The following SSBP3 variants were observed in gnomAD, a reference collection of about 807,000 sequenced individuals.
SSBP3 encodes the protein single stranded DNA binding protein 3.
In SSBP3, 5 loss-of-function variants were observed where a neutral mutation model predicts 69.6. The ratio of observed to expected loss-of-function variants is 0.07; its 90% CI spans 0.04 to 0.15. The LOEUF (loss-of-function observed/expected upper bound fraction) is 0.15, where lower values mean the gene tolerates loss of function less well. Ranked by LOEUF, SSBP3 falls within the 10% of genes least tolerant of loss-of-function variation. The pLI, the probability that SSBP3 is intolerant of heterozygous loss-of-function variation, is 1.00. For missense variants in SSBP3, 312 were observed against 534.0 expected, an observed-to-expected ratio of 0.58 and a Z score of 4.10; for synonymous variants, 196 against 193.4, an observed-to-expected ratio of 1.01 and a Z score of -0.11.
At chr1:54,379,281 C>T (rs1647434933) in intron 4 of SSBP3, among the ~76,000 whole-genome samples, 1 of 152,232 alleles carries the variant, frequency 6.6e-6, no homozygotes, top group African/African-American at 2.4e-5. Flanking sequence ...TGCTGTGAAG[C>T]CCTACCTGTG....
At chr1:54,386,683 CTTTTT>C (rs58429798) in intron 4 of SSBP3, among the ~76,000 whole-genome samples, 17 of 76,100 alleles carry the variant, frequency 2.2e-4, no homozygotes, top group South Asian at 3.7e-4. Flanking sequence ...ACTGATCCTA[CTTTTT>C]TTTTTTTTTT....
Position 54,235,448 on chromosome 1 carries a change from A to ATTTTTTTT in SSBP3, c.927+3673_927+3680dup, listed in dbSNP as rs71580002. ...AGGCGTGTACCACCATGCCCGGCTG[A>ATTTTTTTT]TTTTTTTTTTTTTTTTTTTTTTTTT... On this transcript the variant is annotated intron_variant, in intron 14 of 17. Coordinates refer to ENST00000610401, the Ensembl canonical transcript of SSBP3. 1.3e-3 allele frequency among the ~76,000 whole-genome samples: 90 copies of ATTTTTTTT among 69,918 alleles called. 3 individuals are homozygous for ATTTTTTTT. Among genetic ancestry groups the ATTTTTTTT allele is most frequent in the East Asian group, 1.7e-3 (4 of 2,418 alleles). 45.9% of individuals were successfully genotyped at this position (69,918 alleles called of 152,430 possible).
chr1:54,400,875 G>A (rs1557594941), intron 4 of SSBP3, among the ~76,000 whole-genome samples: 2 of 152,182 alleles, frequency 1.3e-5, no homozygotes, highest in Non-Finnish European at 2.9e-5. Context: ...GGCCAAGCAG[G>A]TGGGACCCAA....
chr1:54,329,163 A>G (rs1350722310), intron 4 of SSBP3, among the ~76,000 whole-genome samples: 1 of 152,136 alleles, frequency 6.6e-6, no homozygotes, highest in Non-Finnish European at 1.5e-5. Context: ...CCCCCACCCA[A>G]ACTCAGCTCA....
intron 5 of SSBP3, among the ~76,000 whole-genome samples, chr1:54,262,158 G>A (rs531838949): frequency 2.0e-5 from 3 of 152,280 alleles, no homozygotes; most frequent in Non-Finnish European, 2.9e-5. Context: ...GAATGGGGCC[G>A]TGAGAGTAAC....
intron 4 of SSBP3, among the ~76,000 whole-genome samples, chr1:54,376,776 G>A (rs570723068): frequency 2.6e-5 from 4 of 152,278 alleles, no homozygotes; most frequent in Middle Eastern, 3.4e-3. Context: ...TACAAACGGC[G>A]ATGCAAATCT....
intron 4 of SSBP3, among the ~76,000 whole-genome samples, chr1:54,354,147 G>T (rs1479400342): frequency 6.6e-6 from 1 of 152,212 alleles, no homozygotes; most frequent in Non-Finnish European, 1.5e-5. Flanking sequence ...CCTGGAGCCA[G>T]CGCATACCAC....
intron 4 of SSBP3, among the ~76,000 whole-genome samples, chr1:54,329,585 C>A (rs1022351963): frequency 6.6e-6 from 1 of 152,210 alleles, no homozygotes; most frequent in African/African-American, 2.4e-5. Context: ...GGGCCCCAGG[C>A]TACAGGGGAG....
intron 14 of SSBP3, among the ~76,000 whole-genome samples, chr1:54,230,704 A>C (rs1644366357): frequency 6.6e-6 from 1 of 152,152 alleles, no homozygotes; most frequent in African/African-American, 2.4e-5. Context: ...GGCCCCAGGC[A>C]AACACTAATC....
intron 4 of SSBP3, among the ~76,000 whole-genome samples, chr1:54,344,344 G>C (rs1358097782): frequency 3.3e-5 from 5 of 152,214 alleles, no homozygotes; most frequent in Non-Finnish European, 7.3e-5. Context: ...TACAAAGACA[G>C]CTATGCACTG....
chr1:54,279,369 G>A (rs1387972374), intron 5 of SSBP3, among the ~76,000 whole-genome samples: 2 of 152,238 alleles, frequency 1.3e-5, no homozygotes, highest in Non-Finnish European at 2.9e-5. Flanking sequence ...CTGGAATTAG[G>A]CCTTAGCCAT....
At chr1:54,253,929 G>A (rs1235325052) in intron 7 of SSBP3, among the ~76,000 whole-genome samples, 1 of 152,234 alleles carries the variant, frequency 6.6e-6, no homozygotes, top group Non-Finnish European at 1.5e-5. Flanking sequence ...GGAACTCCAG[G>A]AGCAAAGCTG....
chr1:54,332,266 A>T (rs1431849005), intron 4 of SSBP3, among the ~76,000 whole-genome samples: 4 of 151,928 alleles, frequency 2.6e-5, no homozygotes, highest in Admixed American at 1.3e-4. Context: ...AGGTGAAAGG[A>T]CTCCCACATG....
At chr1:54,275,297 C>A (rs1645264135) in intron 5 of SSBP3, among the ~76,000 whole-genome samples, 2 of 152,252 alleles carry the variant, frequency 1.3e-5, no homozygotes, top group Non-Finnish European at 2.9e-5. Flanking sequence ...GACCCCAGCG[C>A]CCCGCCACCA....
At chr1:54,240,134 C>A (rs1195937036) in intron 13 of SSBP3, among the ~76,000 whole-genome samples, 1 of 141,800 alleles carries the variant, frequency 7.1e-6, no homozygotes, top group South Asian at 2.2e-4. Flanking sequence ...CACATGCCCA[C>A]GTATGTGCAC....
intron 4 of SSBP3, among the ~76,000 whole-genome samples, chr1:54,386,024 G>C (rs973482359): frequency 2.6e-5 from 4 of 152,268 alleles, no homozygotes; most frequent in Admixed American, 6.5e-5. Flanking sequence ...AAAGCTAAAG[G>C]CCATTTTAAC....
intron 4 of SSBP3, among the ~76,000 whole-genome samples, chr1:54,308,469 C>T (rs1044856118): frequency 2.6e-5 from 4 of 152,144 alleles, no homozygotes; most frequent in East Asian, 1.9e-4. Flanking sequence ...GGCGCGGTGG[C>T]GGGTACCTGT....
intron 14 of SSBP3, chr1:54,237,022 T>C (rs942674104): frequency 6.6e-6 from 1 of 152,260 alleles, no homozygotes; most frequent in African/African-American, 2.4e-5. Context: ...GTCTAGGTTG[T>C]ATTTGGACAA....
chr1:54,372,775 T>C (rs1487373063), intron 4 of SSBP3, among the ~76,000 whole-genome samples: 1 of 152,188 alleles, frequency 6.6e-6, no homozygotes, highest in African/African-American at 2.4e-5. Context: ...TGTATACCTG[T>C]ACCCTGTCCC....
Sources: gnomAD v4.1 joint callset for allele counts (sites outside exome capture counted in the v4.1 genomes callset) on GRCh38, gnomAD v4.1.1 for gene constraint, MANE v1.5 for transcripts, NCBI Gene and HGNC (gene_info 2026-07-23, HGNC 2026-07-21) for gene names.